ADI1: variants seen among roughly 807,000 people sequenced by gnomAD.
The protein encoded by ADI1 is acireductone dioxygenase 1, also known as acireductone dioxygenase.
Under a neutral mutation model 18.7 loss-of-function variants are expected in ADI1, and 21 were observed. The observed-to-expected ratio is 1.13, with a 90% confidence interval of 0.80 to 1.62. ADI1 has a LOEUF of 1.62. Among genes scored for constraint, ADI1 ranks in the 40% most tolerant of loss-of-function variants. The probability of loss-of-function intolerance (pLI) is 0.00; values close to 1 mark genes in which losing one functional copy is unlikely to be tolerated. For synonymous variants in ADI1, 90 were observed against 100.1 expected (o/e 0.90, Z 0.60); for missense variants, 245 against 254.9 (o/e 0.96, Z 0.26).
chr2:3,506,515 G>C (rs1188241034), intron 2 of ADI1, among the ~76,000 whole-genome samples: 2 of 152,100 alleles, frequency 1.3e-5, no homozygotes, highest in African/African-American at 4.8e-5. Flanking sequence ...AGATCTACAA[G>C]AAAACTACAA....
rs143494796 is a variant in ADI1 at position 3,499,049 on chromosome 2, C to T, written c.454G>A (p.Glu152Lys). 1,562 of 1,614,138 alleles carry T rather than the reference C, an allele frequency of 9.7e-4. No homozygotes were observed. Among genetic ancestry groups the T allele is most frequent in the Non-Finnish European group, 1.2e-3 (1,445 of 1,179,944 alleles). Residue 152 changes from glutamate to lysine, a missense_variant, in exon 4 of 4, where the codon GAA becomes AAA. Glu to Lys is a moderately conservative substitution (Grantham distance 56, BLOSUM62 1). Coordinates refer to ENST00000327435, the MANE Select transcript of ADI1 (RefSeq NM_018269.4). ...CGGTTGTACGCTGTCCACACCGGTT[C>T]TCCCACAAACAGCCGCATGGCCTTC... The part of the protein sequence containing the change: ...YTKAMRLFVG[E>K]PVWTAYNRPA...
In ADI1 at chr2:3,498,962, G is replaced by A. The variant is rs1003756035; in HGVS notation, c.*1C>T. 13 of 1,611,142 alleles carry A rather than the reference G, an allele frequency of 8.1e-6. No homozygotes were observed. Among genetic ancestry groups the A allele is most frequent in the African/African-American group, 1.3e-5 (1 of 75,006 alleles). ...CACGTGTTAGTTCCCAGGCAGCACT[G>A]CTAGGCGGTCTGTGCCAGAAATTTC... On this transcript the variant is annotated 3_prime_UTR_variant, in exon 4 of 4. Coordinates refer to ENST00000327435, the MANE Select transcript of ADI1 (RefSeq NM_018269.4).
rs369011114 is a variant in ADI1, at chr2:3,513,892, T to C, written c.205A>G (p.Ile69Val). 1 of 1,608,848 alleles carries C rather than the reference T, an allele frequency of 6.2e-7. No individual in the cohort carries two copies. The highest frequency in any genetic ancestry group is 8.5e-7 in the Non-Finnish European group (1 of 1,178,942). The part of the protein sequence containing the change: ...RNYSWMDIIT[I>V]CKDKLPNYEE... ...TAATTTGGTAGTTTATCTTTGCATA[T>C]GGTTATGATGTCCATCCAGGAGTAG... The change falls in exon 2 of 4, where the codon ATA becomes GTA. Residue 69 changes from isoleucine (I) to valine (V), a missense_variant. Physicochemically the swap from Ile to Val is conservative, Grantham distance 29. Coordinates refer to ENST00000327435, the MANE Select transcript of ADI1 (RefSeq NM_018269.4).
intron 1 of ADI1, chr2:3,514,888 G>A: frequency 3.2e-6 from 5 of 1,540,700 alleles, no homozygotes; most frequent in Non-Finnish European, 4.4e-6. Flanking sequence ...AGGAACATAA[G>A]TTTTGAAGAT....
At position 3,499,208 on chromosome 2, in the gene ADI1, G is replaced by C. The variant is rs368279478; in HGVS notation, c.421-126C>G. The C allele has an allele frequency of 2.8e-6, 4 of 1,403,564 alleles. No homozygotes were observed. The African/African-American group carries it at 5.8e-5, about 20-fold the overall frequency. 86.9% of individuals were successfully genotyped at this position (1,403,564 alleles called of 1,614,324 possible). On this transcript the variant is annotated intron_variant, in intron 3 of 3. Transcript: ENST00000327435. ...ACTTTACTTGCTATTTTTATTCTGC[G>C]TCTTTAACAATTTAGGCCACATTTT...
chr2:3,502,849 T>C (rs1387914570), intron 2 of ADI1, among the ~76,000 whole-genome samples: 4 of 152,182 alleles, frequency 2.6e-5, no homozygotes, highest in Non-Finnish European at 4.4e-5. Context: ...GTAGGCCTGC[T>C]GCTTGTCATG....
In ADI1 at chr2:3,507,403, A is replaced by G. The variant is rs566936921; in HGVS notation, c.241-6410T>C. 2.0e-5 allele frequency among the ~76,000 whole-genome samples: 3 copies of G among 152,288 alleles called. No homozygotes were observed. In the South Asian group the frequency reaches 6.2e-4, roughly 32 times the overall value. The stretch of plus-strand genomic sequence containing the variant: ...ATATTAAAACTGCAGAAAGCAAAAG[A>G]CAGAAAACCTTGAAAAAGGCCAAAG... On this transcript the variant is annotated intron_variant, in intron 2 of 3. Coordinates refer to ENST00000327435, the MANE Select transcript of ADI1 (RefSeq NM_018269.4).
chr2:3,511,471 T>G (rs1329107874), intron 2 of ADI1, among the ~76,000 whole-genome samples: 1 of 152,234 alleles, frequency 6.6e-6, no homozygotes, highest in Non-Finnish European at 1.5e-5. Flanking sequence ...CCTTCTGCCA[T>G]GACTGTAAGC....
chr2:3,510,134 ACTCTGTCTC>A, intron 2 of ADI1, among the ~76,000 whole-genome samples: 1 of 146,350 alleles, frequency 6.8e-6, no homozygotes. Flanking sequence ...CAAGAGCGGA[ACTCTGTCTC>A]AAAAAAAAAA....
chr2:3,512,047 C>A (rs1217972972), intron 2 of ADI1, among the ~76,000 whole-genome samples: 1 of 152,218 alleles, frequency 6.6e-6, no homozygotes, highest in Non-Finnish European at 1.5e-5. Context: ...TGCGCAGATG[C>A]AAGGGCAAAG....
At chr2:3,503,549 TCACA>T (rs1191790131) in intron 2 of ADI1, among the ~76,000 whole-genome samples, 1 of 109,362 alleles carries the variant, frequency 9.1e-6, no homozygotes, top group Non-Finnish European at 1.8e-5. Context: ...ACGTACACAC[TCACA>T]CACGTGCATT....
chr2:3,502,450 CTTTT>C (rs35773710), intron 2 of ADI1, among the ~76,000 whole-genome samples: 254 of 130,732 alleles, frequency 1.9e-3, no homozygotes, highest in African/African-American at 6.0e-3. Context: ...GGAAATAGCT[CTTTT>C]TTTTTTTTTT....
chr2:3,502,001 CCA>C (rs70938947), intron 2 of ADI1, among the ~76,000 whole-genome samples: 7,347 of 104,604 alleles, frequency 0.07, 386 homozygotes, highest in East Asian at 0.25. Flanking sequence ...ACCTCCCGCT[CCA>C]CACACACACA....
At position 3,498,998 on chromosome 2, in the gene ADI1, C is replaced by A; in HGVS notation, c.505G>T (p.Gly169Trp). ...NRPADHFEARGQYVKFLAQTA is the reference protein window; with the variant it reads ...NRPADHFEARWQYVKFLAQTA The stretch of plus-strand genomic sequence containing the variant: ...TGTGCCAGAAATTTCACGTACTGCC[C>A]GCGGGCTTCAAAATGGTCAGCGGGC... Residue 169 changes from glycine (G) to tryptophan (W), a missense_variant, in exon 4 of 4, where the codon GGG (glycine) becomes TGG (tryptophan). By Grantham distance (184) the Gly-to-Trp change is radical. Transcript: ENST00000327435. 6.2e-7 allele frequency: 1 copy of A among 1,613,926 alleles called. No individual in the cohort carries two copies. Among genetic ancestry groups the A allele is most frequent in the Non-Finnish European group, 8.5e-7 (1 of 1,179,818 alleles).
At chr2:3,504,849 T>TGGTTCACCTGCGTATGTTTGTATTGTC (rs1667138700) in intron 2 of ADI1, among the ~76,000 whole-genome samples, 4 of 151,116 alleles carry the variant, frequency 2.6e-5, no homozygotes, top group Middle Eastern at 6.4e-3. Flanking sequence ...TCTGCATTGT[T>TGGTTCACCTGCGTATGTTTGTATTGTC]GGTTCACCTG....
At chr2:3,513,494 T>C (rs1004640142) in intron 2 of ADI1, among the ~76,000 whole-genome samples, 23 of 152,332 alleles carry the variant, frequency 1.5e-4, no homozygotes, top group African/African-American at 4.6e-4. Context: ...CTATCCTCAC[T>C]ACAGTGAGTA....
At position 3,500,848 on chromosome 2, in the gene ADI1, G is replaced by A. The variant is rs142847271; in HGVS notation, c.386C>T (p.Ala129Val). 347 of 1,614,182 alleles carry A rather than the reference G, an allele frequency of 2.1e-4. 2 individuals carry two copies. In the East Asian group the frequency reaches 5.1e-3, roughly 24 times the overall value. The part of the protein sequence containing the change: ...MEKGDMVTLP[A>V]GIYHRFTVDE... ...CACCGTGAAGCGGTGATAGATCCCC[G>A]CGGGGAGCGTCACCATGTCTCCCTT... The change falls in exon 3 of 4, where the codon GCG becomes GTG. Residue 129 changes from alanine (A) to valine (V), a missense_variant. By Grantham distance (64) the Ala-to-Val change is moderately conservative (BLOSUM62 0). Transcript: ENST00000327435.
intron 2 of ADI1, among the ~76,000 whole-genome samples, chr2:3,502,261 C>G (rs377436035): frequency 6.6e-6 from 1 of 152,066 alleles, no homozygotes; most frequent in Non-Finnish European, 1.5e-5. Context: ...AAACTCCAGG[C>G]CTCAAGTGAT....
At chr2:3,510,722 T>C (rs1667279601) in intron 2 of ADI1, among the ~76,000 whole-genome samples, 2 of 152,010 alleles carry the variant, frequency 1.3e-5, no homozygotes, top group Non-Finnish European at 1.5e-5. Flanking sequence ...AACAAACAAA[T>C]AATGCTCATT....
Sources: allele counts gnomAD v4.1 joint callset (sites outside exome capture counted in the v4.1 genomes callset), GRCh38; gene constraint gnomAD v4.1.1; transcripts MANE v1.5; gene names NCBI Gene and HGNC (gene_info 2026-07-23, HGNC 2026-07-21).